The following ANKEF1 variants were observed in gnomAD, a reference collection of about 807,000 sequenced individuals.
ANKEF1 encodes ankyrin repeat and EF-hand domain containing 1, also known as ankyrin repeat and EF-hand domain-containing protein 1.
In ANKEF1, 43 loss-of-function variants were observed where a neutral mutation model predicts 65.1. The ratio of observed to expected loss-of-function variants is 0.66; its 90% CI spans 0.52 to 0.85. ANKEF1 has a LOEUF of 0.85. Ranked by LOEUF, ANKEF1 falls within the 40% of genes least tolerant of loss-of-function variation. ANKEF1 has a pLI of 0.00. For synonymous variants in ANKEF1, 316 were observed against 341.5 expected (o/e 0.93, Z 0.82); for missense variants, 934 against 952.9 (o/e 0.98, Z 0.26).
chr20:10,035,732 A>G (rs1285259339), intron 2 of ANKEF1, 90 bp downstream of exon 2: 1 of 152,048 alleles, frequency 6.6e-6, no homozygotes, highest in Non-Finnish European at 1.5e-5. Context: ...CCCACCTCAA[A>G]CCCTACATTC....
At chr20:10,049,323 T>C (rs1042166323) in intron 6 of ANKEF1, 67 bp from the exon 7 acceptor site, 1 of 1,389,848 alleles carries the variant, frequency 7.2e-7, no homozygotes, top group African/African-American at 1.4e-5. Flanking sequence ...AACAGTTGGA[T>C]GAGTGTCACT....
chr20:10,051,649 A>C lies in ANKEF1; in HGVS notation c.1644-14A>C, dbSNP rs375018630. ...AACCGTATTTTTAGTTTGTTCATCTATCTTATTTTACAGAGCTAACGTTAA... is the reference window on the plus strand; with the variant it reads ...AACCGTATTTTTAGTTTGTTCATCTCTCTTATTTTACAGAGCTAACGTTAA... On this transcript the variant is annotated splice_polypyrimidine_tract_variant and intron_variant, in intron 7 of 10. Transcript: ENST00000378392. 1.9e-6 allele frequency: 3 copies of C among 1,592,838 alleles called. No individual in the cohort carries two copies. The highest frequency in any genetic ancestry group is 2.6e-6 in the Non-Finnish European group (3 of 1,163,564).
chr20:10,044,798 C>G (rs1984414022), intron 5 of ANKEF1, among the ~76,000 whole-genome samples: 1 of 152,112 alleles, frequency 6.6e-6, no homozygotes, highest in Non-Finnish European at 1.5e-5. Flanking sequence ...TCGATGATAA[C>G]AATTTAAAAC....
In ANKEF1 at chr20:10,054,050, T is replaced by G. The variant is rs150492358; in HGVS notation, c.2035-412T>G. On this transcript the variant is annotated intron_variant, in intron 9 of 10. Coordinates refer to ENST00000378392, the MANE Select transcript of ANKEF1 (RefSeq NM_022096.6). Reference sequence around the variant, plus strand: ...TCAAGAAGGAAAAGTTTTAGTGTCATCAAATTGGAAAGCATTGGGGAAATG... The same window carrying G: ...TCAAGAAGGAAAAGTTTTAGTGTCAGCAAATTGGAAAGCATTGGGGAAATG... Among the ~76,000 whole-genome samples, 915 of 152,224 alleles carry G rather than the reference T, an allele frequency of 6.0e-3. 6 individuals carry two copies. The highest frequency in any genetic ancestry group is 0.021 in the African/African-American group (890 of 41,542).
In ANKEF1 at chr20:10,051,649, A is replaced by G. The variant is rs375018630; in HGVS notation, c.1644-14A>G. ...AACCGTATTTTTAGTTTGTTCATCT[A>G]TCTTATTTTACAGAGCTAACGTTAA... On this transcript the variant is annotated splice_polypyrimidine_tract_variant and intron_variant, in intron 7 of 10. Coordinates refer to ENST00000378392, the MANE Select transcript of ANKEF1 (RefSeq NM_022096.6). 1.8e-5 allele frequency: 29 copies of G among 1,592,838 alleles called. No individual in the cohort carries two copies. Among genetic ancestry groups the G allele is most frequent in the African/African-American group, 9.4e-5 (7 of 74,316 alleles).
intron 3 of ANKEF1, among the ~76,000 whole-genome samples, chr20:10,040,956 TTTC>T (rs1770547158): frequency 6.6e-6 from 1 of 152,108 alleles, no homozygotes; most frequent in African/African-American, 2.4e-5. Context: ...TTGACAATCT[TTTC>T]TTTTTTTTTT....
At chr20:10,050,237 C>T (rs747929655) in intron 7 of ANKEF1, 25 bp downstream of exon 7, 3 of 1,544,912 alleles carry the variant, frequency 1.9e-6, no homozygotes, top group South Asian at 2.5e-5. Context: ...CGGGTGTGGC[C>T]TAAATTTTCA....
At chr20:10,040,085 ACAAAT>A (rs1273520470) in intron 3 of ANKEF1, among the ~76,000 whole-genome samples, 1 of 152,236 alleles carries the variant, frequency 6.6e-6, no homozygotes, top group Admixed American at 6.5e-5. Context: ...GCTAAAGGAA[ACAAAT>A]CTCATGGGCA....
chr20:10,050,176 G>A lies in ANKEF1; in HGVS notation c.1607G>A (p.Gly536Glu). 1 of 1,613,704 alleles carries A rather than the reference G, an allele frequency of 6.2e-7. No individual in the cohort carries two copies. ...CCGCTAATGACGGCGTGTGCAAGTG[G>A]AAACATAGATGTGGTCAAGTTTCTT... Reference protein sequence around the residue: ...KTPLMTACASGNIDVVKFLLE... With the variant: ...KTPLMTACASENIDVVKFLLE... The change falls in exon 7 of 11, where the codon GGA (glycine) becomes GAA (glutamate). Residue 536 changes from glycine (G) to glutamate (E), a missense_variant. Gly to Glu is a moderately conservative substitution (Grantham distance 98). Coordinates refer to ENST00000378392, the MANE Select transcript of ANKEF1 (RefSeq NM_022096.6).
At chr20:10,039,985 A>C (rs1984081875) in intron 3 of ANKEF1, among the ~76,000 whole-genome samples, 1 of 152,234 alleles carries the variant, frequency 6.6e-6, no homozygotes, top group South Asian at 2.1e-4. Flanking sequence ...ATAGTGTAAC[A>C]ATGTAAAAGT....
intron 7 of ANKEF1, 45 bp from the exon 8 acceptor site, chr20:10,051,618 T>C (rs1984859468): frequency 6.8e-7 from 1 of 1,478,152 alleles, no homozygotes; most frequent in Admixed American, 1.7e-5. Flanking sequence ...TGTCCAGTCA[T>C]TGGAAAACCG....
At chr20:10,051,598 G>T (rs1984857205) in intron 7 of ANKEF1, 65 bp from the exon 8 acceptor site, 2 of 1,248,030 alleles carry the variant, frequency 1.6e-6, no homozygotes, top group Admixed American at 4.0e-5. Flanking sequence ...ATCTTACTTT[G>T]CATTTTTAGT....
intron 2 of ANKEF1, among the ~76,000 whole-genome samples, chr20:10,036,735 G>A (rs922694753): frequency 6.6e-6 from 1 of 152,084 alleles, no homozygotes; most frequent in Non-Finnish European, 1.5e-5. Flanking sequence ...CCAGCTACTC[G>A]GGAGGCTGAG....
intron 9 of ANKEF1, among the ~76,000 whole-genome samples, chr20:10,053,505 A>C (rs1180669716): frequency 6.6e-6 from 1 of 150,624 alleles, no homozygotes; most frequent in Non-Finnish European, 1.5e-5. Context: ...ACAAAAACCA[A>C]ATGGGTTCAG....
intron 6 of ANKEF1, among the ~76,000 whole-genome samples, chr20:10,048,219 ATGTG>A (rs140100391): frequency 1.8e-4 from 27 of 149,868 alleles, no homozygotes; most frequent in East Asian, 3.9e-4. Flanking sequence ...TAGTATAAAA[ATGTG>A]TGTGTGTGTG....
At position 10,053,098 on chromosome 20, in the gene ANKEF1, T is replaced by A; in HGVS notation, c.1871-14T>A. 1 of 1,568,738 alleles carries A rather than the reference T, an allele frequency of 6.4e-7. No individual in the cohort carries two copies. Among genetic ancestry groups the A allele is most frequent in the Non-Finnish European group, 8.6e-7 (1 of 1,164,140 alleles). On this transcript the variant is annotated splice_polypyrimidine_tract_variant and intron_variant, in intron 8 of 10. Transcript: ENST00000378392. ...GTTTATAGTCACTCTGAATTTATGT[T>A]TATGTTTCAACAGGGCATAGTGCCA...
At position 10,049,541 on chromosome 20, in the gene ANKEF1, G is replaced by C. The variant is rs1342734515; in HGVS notation, c.972G>C (p.Leu324=). The change falls in exon 7 of 11, where the codon CTG becomes CTC. Residue 324 remains leucine (L), a synonymous_variant. Transcript: ENST00000378392. ...ARPGAKNPNP[L]WALRLHDWSV... is the part of the protein sequence containing the mutation. ...CAGGAGCCAAAAATCCAAATCCACT[G>C]TGGGCCCTTAGACTGCACGATTGGT... The C allele has an allele frequency of 6.2e-7, 1 of 1,614,124 alleles. No individual in the cohort carries two copies.
rs753658083 is a variant in ANKEF1, at chr20:10,043,135, C to T, written c.360C>T (p.Tyr120=). Reference sequence around the variant, plus strand: ...ATTTCTCTGCAGGTGTTTTGTTTTACTGCATTTTACCGACTAAGCGGCATT... The same window carrying T: ...ATTTCTCTGCAGGTGTTTTGTTTTATTGCATTTTACCGACTAAGCGGCATT... ...VDNEGKGVLF[Y]CILPTKRHYR... is the part of the protein sequence containing the mutation. Residue 120 remains tyrosine (Y), a synonymous_variant, in exon 4 of 11, where the codon TAC becomes TAT. Coordinates refer to ENST00000378392, the MANE Select transcript of ANKEF1 (RefSeq NM_022096.6). 1.2e-6 allele frequency: 2 copies of T among 1,613,938 alleles called. No homozygotes were observed. The highest frequency in any genetic ancestry group is 1.7e-5 in the Admixed American group (1 of 60,004).
In ANKEF1 at chr20:10,050,206, A is replaced by G. The variant is rs757764280; in HGVS notation, c.1637A>G (p.Glu546Gly). 1.9e-6 allele frequency: 3 copies of G among 1,604,460 alleles called. No homozygotes were observed. Among genetic ancestry groups the G allele is most frequent in the Non-Finnish European group, 2.6e-6 (3 of 1,174,612 alleles). Residue 546 changes from glutamate to glycine, a missense_variant, in exon 7 of 11, where the codon GAA becomes GGA. Coordinates refer to ENST00000378392, the MANE Select transcript of ANKEF1 (RefSeq NM_022096.6). Reference sequence around the variant, plus strand: ...ATAGATGTGGTCAAGTTTCTTCTTGAAAAAGGGTACGCGTCTCCGTCGGGT... The same window carrying G: ...ATAGATGTGGTCAAGTTTCTTCTTGGAAAAGGGTACGCGTCTCCGTCGGGT... ...GNIDVVKFLLEKGANVNATDN... is the reference protein window; with the variant it reads ...GNIDVVKFLLGKGANVNATDN...
Sources: allele counts gnomAD v4.1 joint callset (sites outside exome capture counted in the v4.1 genomes callset), GRCh38; gene constraint gnomAD v4.1.1; transcripts MANE v1.5; gene names NCBI Gene and HGNC (gene_info 2026-07-23, HGNC 2026-07-21).